Variants in DSG2 observed in about 807,000 individuals in gnomAD.
The protein encoded by DSG2 is desmoglein 2, also known as desmoglein-2.
In DSG2, 45 loss-of-function variants were observed where a neutral mutation model predicts 75.6. That is an observed-to-expected ratio of 0.60 (90% CI 0.47 to 0.76). The LOEUF (loss-of-function observed/expected upper bound fraction) is 0.76. DSG2 is among the 30% of genes least tolerant of loss of function. The pLI, the probability that DSG2 is intolerant of heterozygous loss-of-function variation, is 0.00. For synonymous variants in DSG2, 429 were observed against 483.9 expected, an observed-to-expected ratio of 0.89 and a Z score of 1.49; for missense variants, 1,267 against 1,357.4, an observed-to-expected ratio of 0.93 and a Z score of 1.05.
intron 2 of DSG2, 61 bp from the exon 3 acceptor site, chr18:31,519,742 G>C: frequency 6.5e-7 from 1 of 1,550,002 alleles, no homozygotes; most frequent in Non-Finnish European, 8.9e-7. Flanking sequence ...TTATAGGACA[G>C]CATACTAATG....
intron 1 of DSG2, among the ~76,000 whole-genome samples, chr18:31,512,536 A>G (rs900468258): frequency 6.6e-6 from 1 of 152,236 alleles, no homozygotes; most frequent in Non-Finnish European, 1.5e-5. Context: ...AGCTTTTTCA[A>G]ACATAAACTG....
Position 31,545,771 on chromosome 18 carries a change from C to T in DSG2, c.2385C>T (p.Cys795=), listed in dbSNP as rs1039433937. 1 of 1,614,030 alleles carries T rather than the reference C, an allele frequency of 6.2e-7. No individual in the cohort carries two copies. The highest frequency in any genetic ancestry group is 1.3e-5 in the African/African-American group (1 of 74,922). The change falls in exon 15 of 15, where the codon TGC becomes TGT. Residue 795 remains cysteine, a synonymous_variant. Transcript: ENST00000261590. ...EEDENHTAKD[C]LLVYSQEETE... ...ATGAAAATCACACAGCCAAAGATTG[C>T]CTTCTGGTTTATTCTCAGGAAGAAA... is the stretch of plus-strand genomic sequence containing the variant.
At chr18:31,526,264 A>C (rs1227894357) in intron 8 of DSG2, among the ~76,000 whole-genome samples, 2 of 152,222 alleles carry the variant, frequency 1.3e-5, no homozygotes, top group Admixed American at 1.3e-4. Context: ...ATTAAATTAC[A>C]CATAGGCAAA....
rs758912270 is a variant in DSG2, at chr18:31,541,348, CT to C, written c.2001+36del. 1.9e-6 allele frequency: 3 copies of C among 1,612,590 alleles called. No homozygotes were observed. The South Asian group carries it at 3.3e-5, about 18-fold the overall frequency. On this transcript the variant is annotated intron_variant, in intron 13 of 14. Transcript: ENST00000261590. ...ATCAGATGTCAATATGACTTGTCTT[CT>C]TCTTGGGTTTTAAAGGGGCCTAGGG...
chr18:31,531,531 G>A (rs1167405233), intron 9 of DSG2, among the ~76,000 whole-genome samples: 1 of 152,146 alleles, frequency 6.6e-6, no homozygotes, highest in East Asian at 1.9e-4. Context: ...AGCAACAAAG[G>A]AAAAGTTCAG....
intron 1 of DSG2, among the ~76,000 whole-genome samples, chr18:31,506,486 A>G (rs59698374): frequency 0.088 from 13,383 of 152,244 alleles, 1,524 homozygotes; most frequent in African/African-American, 0.27. Context: ...TTCCCACTTT[A>G]GACCTTGGAA....
intron 1 of DSG2, among the ~76,000 whole-genome samples, chr18:31,513,808 A>G (rs2073079410): frequency 6.6e-6 from 1 of 152,228 alleles, no homozygotes; most frequent in South Asian, 2.1e-4. Flanking sequence ...TACCTTAGCC[A>G]GTGGTGTCAT....
intron 6 of DSG2, 50 bp from the exon 7 acceptor site, chr18:31,524,398 T>C (rs1375280918): frequency 1.9e-6 from 3 of 1,613,706 alleles, no homozygotes; most frequent in Non-Finnish European, 2.5e-6. Context: ...GAAAGCCAGA[T>C]GTAAGAGTGA....
intron 11 of DSG2, 104 bp from the exon 12 acceptor site, chr18:31,538,647 G>A (rs2073246632): frequency 1.1e-6 from 1 of 945,252 alleles, no homozygotes; most frequent in South Asian, 1.4e-5. Flanking sequence ...GTACCTAATT[G>A]GAGTTAAATA....
intron 9 of DSG2, 83 bp downstream of exon 9, chr18:31,531,335 CT>C: frequency 6.8e-7 from 1 of 1,473,958 alleles, no homozygotes; most frequent in Non-Finnish European, 9.4e-7. Flanking sequence ...AATCTGAACA[CT>C]TCATTCCTTC....
chr18:31,501,634 A>G lies in DSG2; in HGVS notation c.45+3338A>G, dbSNP rs552122343. On this transcript the variant is annotated intron_variant, in intron 1 of 14. Coordinates refer to ENST00000261590, the MANE Select transcript of DSG2 (RefSeq NM_001943.5). ...CATTACTCCAATCCTCCATCTGCGCATGGCATTCTCTCTTTTGTCTCTTTA... is the reference window on the plus strand; with the variant it reads ...CATTACTCCAATCCTCCATCTGCGCGTGGCATTCTCTCTTTTGTCTCTTTA... Among the ~76,000 whole-genome samples, 431 of 152,212 alleles carry G rather than the reference A, an allele frequency of 2.8e-3. 1 individual carries two copies. The highest frequency in any genetic ancestry group is 9.7e-3 in the African/African-American group (401 of 41,520).
At chr18:31,532,062 G>A (rs1456643273) in intron 9 of DSG2, among the ~76,000 whole-genome samples, 1 of 152,194 alleles carries the variant, frequency 6.6e-6, no homozygotes, top group Non-Finnish European at 1.5e-5. Context: ...CTGCCTGGTT[G>A]CTTGAGTGTC....
chr18:31,531,327 T>G, intron 9 of DSG2, 75 bp downstream of exon 9: 1 of 1,513,442 alleles, frequency 6.6e-7, no homozygotes, highest in Non-Finnish European at 9.1e-7. Flanking sequence ...CATAATCAAA[T>G]CTGAACACTT....
intron 8 of DSG2, among the ~76,000 whole-genome samples, chr18:31,528,768 T>C (rs2144329414): frequency 6.7e-6 from 1 of 149,670 alleles, no homozygotes; most frequent in South Asian, 2.1e-4. Context: ...AGACACAAAA[T>C]AGTACATATT....
At chr18:31,510,320 A>G (rs971732025) in intron 1 of DSG2, among the ~76,000 whole-genome samples, 3 of 152,206 alleles carry the variant, frequency 2.0e-5, no homozygotes, top group Admixed American at 1.3e-4. Context: ...TTAATAAGGT[A>G]TCTCTTAGTC....
In DSG2 at chr18:31,547,034, C is replaced by T. The variant is rs2073317767; in HGVS notation, c.*291C>T. 4.4e-6 allele frequency: 2 copies of T among 458,154 alleles called. No individual in the cohort carries two copies. Among genetic ancestry groups the T allele is most frequent in the Non-Finnish European group, 8.0e-6 (2 of 249,022 alleles). 28.4% of individuals were successfully genotyped at this position (458,154 alleles called of 1,614,324 possible). A position where few individuals can be genotyped will look rare whatever the true frequency, so the allele number is the denominator to read the frequency against. ...AAAACAAGATACATAGAGAGTCAAT[C>T]TGGCTTCTGAGAATTTACCAAGTGA... On this transcript the variant is annotated 3_prime_UTR_variant, in exon 15 of 15. Transcript: ENST00000261590.
At chr18:31,521,438 A>G (rs2073127909) in intron 5 of DSG2, among the ~76,000 whole-genome samples, 195 bp downstream of exon 5, 1 of 152,064 alleles carries the variant, frequency 6.6e-6, no homozygotes, top group Non-Finnish European at 1.5e-5. Flanking sequence ...CCCTCAGAAC[A>G]GATAGGGTAG....
At chr18:31,505,656 C>CTTTTTTTTTTTTTTTTTTTTTT (rs558578470) in intron 1 of DSG2, among the ~76,000 whole-genome samples, 3 of 136,082 alleles carry the variant, frequency 2.2e-5, no homozygotes, top group Admixed American at 7.4e-5. Flanking sequence ...ATTTTTTTTT[C>CTTTTTTTTTTTTTTTTTTTTTT]TTTTTTTTTT....
intron 12 of DSG2, 115 bp downstream of exon 12, chr18:31,539,093 C>A: frequency 1.0e-6 from 1 of 998,846 alleles, no homozygotes; most frequent in Non-Finnish European, 1.6e-6. Flanking sequence ...CACACTAGAG[C>A]ACTTTGAGGG....
Sources: gnomAD v4.1 joint callset for allele counts (sites outside exome capture counted in the v4.1 genomes callset) on GRCh38, gnomAD v4.1.1 for gene constraint, MANE v1.5 for transcripts, NCBI Gene and HGNC (gene_info 2026-07-23, HGNC 2026-07-21) for gene names.